The following ANKRD30A variants were observed in gnomAD, a reference collection of about 807,000 sequenced individuals.
The protein encoded by ANKRD30A is ankyrin repeat domain-containing protein 30A.
ANKRD30A carries 170 observed loss-of-function variants against 166.3 expected under a neutral mutation model. The ratio of observed to expected loss-of-function variants is 1.02; its 90% CI spans 0.90 to 1.16. ANKRD30A has a LOEUF of 1.16. Among genes scored for constraint, ANKRD30A ranks in the 50% most tolerant of loss-of-function variants. ANKRD30A has a pLI of 0.00. For synonymous variants in ANKRD30A, 564 were observed against 508.9 expected (o/e 1.11, Z -1.46); for missense variants, 1,630 against 1,518.0 (o/e 1.07, Z -1.23).
At chr10:37,159,249 A>G (rs1794350028) in intron 15 of ANKRD30A, among the ~76,000 whole-genome samples, 1 of 152,134 alleles carries the variant, frequency 6.6e-6, no homozygotes, top group African/African-American at 2.4e-5. Context: ...GTGCATGGTG[A>G]CACGTGCCTG....
intron 15 of ANKRD30A, among the ~76,000 whole-genome samples, chr10:37,161,378 A>G (rs1388675909): frequency 6.6e-6 from 1 of 152,226 alleles, no homozygotes; most frequent in South Asian, 2.1e-4. Flanking sequence ...AGAGAAAGGA[A>G]GTGTTGAACA....
chr10:37,198,513 A>C (rs1279219804), intron 29 of ANKRD30A, among the ~76,000 whole-genome samples: 1 of 152,100 alleles, frequency 6.6e-6, no homozygotes, highest in African/African-American at 2.4e-5. Flanking sequence ...ATTAGAAATT[A>C]AAAGTAAAAT....
Position 37,166,662 on chromosome 10 carries a change from A to C in ANKRD30A, c.2122A>C (p.Lys708Gln), listed in dbSNP as rs561653367. The C allele has an allele frequency of 6.3e-7, 1 of 1,595,756 alleles. No individual in the cohort carries two copies. Among genetic ancestry groups the C allele is most frequent in the Non-Finnish European group, 8.5e-7 (1 of 1,172,292 alleles). The change falls in exon 19 of 36, where the codon AAA becomes CAA. Residue 708 changes from lysine to glutamine, a missense_variant. This residue lies in a region of ANKRD30A where 12 missense variants were observed against 27.4 expected (regional missense o/e 0.44). Coordinates refer to ENST00000361713, the MANE Select transcript of ANKRD30A (RefSeq NM_052997.3). ...GTGTTTACCCAAGGCTGCGCATCAA[A>C]AAGAAATAGATAAAATAAATGGAAA... ...DVCLPKAAHQKEIDKINGKLE... is the reference protein window; with the variant it reads ...DVCLPKAAHQQEIDKINGKLE...
At chr10:37,137,026 T>G (rs1836745903) in intron 6 of ANKRD30A, among the ~76,000 whole-genome samples, 3 of 152,014 alleles carry the variant, frequency 2.0e-5, no homozygotes, top group Non-Finnish European at 4.4e-5. Flanking sequence ...ATTTTATGTT[T>G]CCTCAACTGT....
In ANKRD30A at chr10:37,143,519, C is replaced by T. The variant is rs12246449; in HGVS notation, c.1393+1229C>T. The stretch of plus-strand genomic sequence containing the variant: ...AAATACAGAAAGTAGCCAGGTGTGG[C>T]GGCATGCACCTGTAATCCCAGCTAC... On this transcript the variant is annotated intron_variant, in intron 7 of 35. Coordinates refer to ENST00000361713, the MANE Select transcript of ANKRD30A (RefSeq NM_052997.3). Among the ~76,000 whole-genome samples, 1,257 of 151,948 alleles carry T rather than the reference C, an allele frequency of 8.3e-3. 19 individuals carry two copies. Among genetic ancestry groups the T allele is most frequent in the African/African-American group, 0.029 (1,196 of 41,414 alleles).
the ANKRD30A span, among the ~76,000 whole-genome samples, chr10:37,250,569 G>A: frequency 6.6e-6 from 1 of 152,098 alleles, no homozygotes; most frequent in African/African-American, 2.4e-5. Flanking sequence ...TTTATATGCT[G>A]AAACCCAAAA....
chr10:37,256,439 C>T, the ANKRD30A span, among the ~76,000 whole-genome samples: 1 of 152,092 alleles, frequency 6.6e-6, no homozygotes, highest in Non-Finnish European at 1.5e-5. Context: ...TTCTTCGTAG[C>T]ACTTATTACA....
At chr10:37,159,797 C>T (rs1209075231) in intron 15 of ANKRD30A, among the ~76,000 whole-genome samples, 1 of 152,098 alleles carries the variant, frequency 6.6e-6, no homozygotes, top group African/African-American at 2.4e-5. Context: ...CGGGTTCACG[C>T]CATTCTCCTG....
chr10:37,143,251 T>C (rs1420423178), intron 7 of ANKRD30A, among the ~76,000 whole-genome samples: 4 of 152,222 alleles, frequency 2.6e-5, no homozygotes, highest in African/African-American at 4.8e-5. Context: ...CAGGGATTCA[T>C]TGGAAAATTT....
chr10:37,259,623 T>C, the ANKRD30A span, among the ~76,000 whole-genome samples: 1 of 152,206 alleles, frequency 6.6e-6, no homozygotes, highest in Non-Finnish European at 1.5e-5. Flanking sequence ...GATGACTAAA[T>C]TGTAGTGTAT....
intron 5 of ANKRD30A, among the ~76,000 whole-genome samples, chr10:37,134,689 A>G (rs1333514880): frequency 2.0e-5 from 3 of 152,208 alleles, no homozygotes; most frequent in African/African-American, 4.8e-5. Context: ...TTAGCCACAC[A>G]CGTAGTGAGC....
the ANKRD30A span, among the ~76,000 whole-genome samples, chr10:37,253,649 C>G: frequency 7.7e-6 from 1 of 130,060 alleles, no homozygotes; most frequent in African/African-American, 2.8e-5. Flanking sequence ...TTTTCTTTTT[C>G]TTTTTTTTTT....
chr10:37,189,562 GA>G lies in ANKRD30A; in HGVS notation c.2512+7del, dbSNP rs878940921. The G allele has an allele frequency of 9.8e-6, 13 of 1,322,822 alleles. 1 individual carries two copies. In the South Asian group the frequency reaches 1.6e-4, roughly 17 times the overall value. The allele number at this position is 1,322,822 out of a possible 1,614,324, so 81.9% of individuals were successfully genotyped here. A position where few individuals can be genotyped will look rare whatever the true frequency, so the allele number is the denominator to read the frequency against. On this transcript the variant is annotated splice_donor_region_variant and intron_variant, in intron 25 of 35. Coordinates refer to ENST00000361713, the MANE Select transcript of ANKRD30A (RefSeq NM_052997.3). ...AAATAAATGGAAAATTAGAAGGTAA[GA>G]ACCGTTTTTTATTTAAAAATCATTT...
At chr10:37,257,957 G>A in the ANKRD30A span, among the ~76,000 whole-genome samples, 4 of 152,224 alleles carry the variant, frequency 2.6e-5, no homozygotes, top group East Asian at 5.8e-4. Context: ...ACACTCTGTG[G>A]CTTGTCAGGG....
At chr10:37,234,642 T>C (rs1843595934), downstream of ANKRD30A, among the ~76,000 whole-genome samples, 1 of 152,148 alleles carries the variant, frequency 6.6e-6, no homozygotes, top group African/African-American at 2.4e-5. Flanking sequence ...ATAGTATTAT[T>C]AGATGTTTGA....
rs2132513641 is a variant in ANKRD30A at position 37,133,812 on chromosome 10, A to T, written c.618-104A>T. 3.7e-6 allele frequency: 5 copies of T among 1,356,286 alleles called. No homozygotes were observed. The South Asian group carries it at 6.8e-5, about 18-fold the overall frequency. The allele number at this position is 1,356,286 out of a possible 1,614,324, so 84.0% of individuals were successfully genotyped here. On this transcript the variant is annotated intron_variant, in intron 4 of 35. Transcript: ENST00000361713. ...AAGGATAAACACTTGAGCACTCAAG[A>T]TACTTATGTTTGTTGGTACATGTAA...
intron 31 of ANKRD30A, among the ~76,000 whole-genome samples, chr10:37,207,202 G>A (rs998547760): frequency 2.0e-5 from 3 of 151,940 alleles, no homozygotes; most frequent in South Asian, 2.1e-4. Context: ...TTATACTTTC[G>A]TTGATGAGAC....
At chr10:37,257,023 G>T in the ANKRD30A span, among the ~76,000 whole-genome samples, 3 of 151,994 alleles carry the variant, frequency 2.0e-5, no homozygotes, top group Non-Finnish European at 2.9e-5. Flanking sequence ...ATCTGGTCCT[G>T]GGCTTTTTTT....
chr10:37,241,236 T>A, the ANKRD30A span: 1 of 151,492 alleles, frequency 6.6e-6, no homozygotes, highest in South Asian at 2.1e-4. Flanking sequence ...ATGATTTAAA[T>A]CTAAAAGATG....
Sources: gnomAD v4.1 joint callset for allele counts (sites outside exome capture counted in the v4.1 genomes callset) on GRCh38, gnomAD v4.1.1 for gene constraint, gnomAD v4.1.1 regional missense constraint, MANE v1.5 for transcripts, NCBI Gene and HGNC (gene_info 2026-07-23, HGNC 2026-07-21) for gene names.